NRG3: variants seen among roughly 807,000 people sequenced by gnomAD.
NRG3 encodes the protein pro-neuregulin-3, membrane-bound isoform.
Under a neutral mutation model 66.9 loss-of-function variants are expected in NRG3, and 31 were observed. That is an observed-to-expected ratio of 0.46 (90% confidence interval 0.35 to 0.63). The LOEUF (loss-of-function observed/expected upper bound fraction) is 0.63, where lower values mean the gene tolerates loss of function less well. Ranked by LOEUF, NRG3 falls within the 20% of genes least tolerant of loss-of-function variation. The pLI is 0.00. For synonymous variants in NRG3, 393 were observed against 359.4 expected (o/e 1.09, Z -1.06); for missense variants, 910 against 878.9 (o/e 1.04, Z -0.45).
At chr10:82,692,182 G>A (rs543366932) in intron 2 of NRG3, among the ~76,000 whole-genome samples, 1 of 151,324 alleles carries the variant, frequency 6.6e-6, no homozygotes, top group South Asian at 2.1e-4. Context: ...GAACCCAGGA[G>A]GCAGAGGTTG....
chr10:82,743,887 C>A (rs1034229490), intron 3 of NRG3, among the ~76,000 whole-genome samples: 2 of 152,188 alleles, frequency 1.3e-5, no homozygotes, highest in African/African-American at 4.8e-5. Context: ...TATATAGGAA[C>A]ATGTGTTCTG....
intron 3 of NRG3, among the ~76,000 whole-genome samples, chr10:82,775,581 T>C (rs1206080007): frequency 6.6e-6 from 1 of 152,148 alleles, no homozygotes; most frequent in Non-Finnish European, 1.5e-5. Context: ...TATATTCTGC[T>C]GTTGTTGTAT....
Position 82,746,403 on chromosome 10 carries a change from G to A in NRG3, c.1027+7753G>A, listed in dbSNP as rs1050630450. On this transcript the variant is annotated intron_variant, in intron 3 of 8. Transcript: ENST00000372141. ...TCTGTCCTCCCAGGGGGCCTGTTCAGCAGGTCTGAAGACAGTTCCCAACTG... is the reference window on the plus strand; with the variant it reads ...TCTGTCCTCCCAGGGGGCCTGTTCAACAGGTCTGAAGACAGTTCCCAACTG... 2.6e-5 allele frequency among the ~76,000 whole-genome samples: 4 copies of A among 152,276 alleles called. No individual in the cohort carries two copies. In the South Asian group the frequency reaches 8.3e-4, roughly 32 times the overall value.
intron 2 of NRG3, among the ~76,000 whole-genome samples, chr10:82,651,923 G>A (rs1012901028): frequency 2.0e-5 from 3 of 152,176 alleles, no homozygotes; most frequent in Non-Finnish European, 2.9e-5. Flanking sequence ...ACCTCTTCAC[G>A]GGACTCACAG....
intron 3 of NRG3, among the ~76,000 whole-genome samples, chr10:82,776,657 T>A (rs1202758340): frequency 1.3e-5 from 2 of 152,020 alleles, no homozygotes; most frequent in Non-Finnish European, 2.9e-5. Flanking sequence ...TTTTAAAAGA[T>A]CTGTTTTCAA....
At chr10:82,606,475 AATATGTATTCTG>A (rs1473528579) in intron 2 of NRG3, among the ~76,000 whole-genome samples, 3 of 152,286 alleles carry the variant, frequency 2.0e-5, no homozygotes, top group African/African-American at 7.2e-5. Flanking sequence ...CTGTCTTGAG[AATATGTATTCTG>A]ATGTGATTGA....
chr10:81,960,748 A>C (rs1020304550), intron 1 of NRG3, among the ~76,000 whole-genome samples: 2 of 151,750 alleles, frequency 1.3e-5, no homozygotes, highest in African/African-American at 4.8e-5. Flanking sequence ...CTGTTTGAAC[A>C]AAACAGGACA....
At chr10:82,860,783 T>C (rs1329528126) in intron 3 of NRG3, among the ~76,000 whole-genome samples, 2 of 152,224 alleles carry the variant, frequency 1.3e-5, no homozygotes, top group Non-Finnish European at 2.9e-5. Flanking sequence ...TGTTTTTGCT[T>C]AAACTATGTG....
intron 2 of NRG3, among the ~76,000 whole-genome samples, chr10:82,454,312 G>A (rs1453463758): frequency 6.6e-6 from 1 of 152,060 alleles, no homozygotes; most frequent in Non-Finnish European, 1.5e-5. Context: ...TTTGTAATGG[G>A]TTTGTTTTTC....
intron 1 of NRG3, among the ~76,000 whole-genome samples, chr10:82,096,727 C>T (rs2066368587): frequency 6.6e-6 from 1 of 152,092 alleles, no homozygotes. Flanking sequence ...TATATAACCA[C>T]AGCCAATGAA....
intron 2 of NRG3, among the ~76,000 whole-genome samples, chr10:82,627,607 A>C (rs1316605517): frequency 6.6e-6 from 1 of 152,146 alleles, no homozygotes; most frequent in African/African-American, 2.4e-5. Context: ...GACTCCTTTT[A>C]ATTATCTTTA....
chr10:82,359,155 T>G (rs180863565), intron 2 of NRG3, among the ~76,000 whole-genome samples: 53 of 152,316 alleles, frequency 3.5e-4, no homozygotes, highest in African/African-American at 1.2e-3. Flanking sequence ...TTTACACACT[T>G]TAGAAGCGTC....
chr10:82,196,678 A>G (rs965875069), intron 1 of NRG3, among the ~76,000 whole-genome samples: 3 of 152,230 alleles, frequency 2.0e-5, no homozygotes, highest in Admixed American at 2.0e-4. Context: ...TTCTTGGTCA[A>G]TAAAACAATA....
At chr10:82,977,598 CAAA>C (rs766341428) in intron 7 of NRG3, among the ~76,000 whole-genome samples, 5 of 55,428 alleles carry the variant, frequency 9.0e-5, no homozygotes, top group African/African-American at 1.3e-4. Flanking sequence ...GACTCTGTCT[CAAA>C]AAAAAAAAAA....
chr10:82,066,042 C>A (rs1256952086), intron 1 of NRG3, among the ~76,000 whole-genome samples: 1 of 152,032 alleles, frequency 6.6e-6, no homozygotes, highest in African/African-American at 2.4e-5. Context: ...ACATTATAAT[C>A]ATTAGAAGAA....
chr10:82,243,197 A>G (rs1206778969), intron 1 of NRG3, among the ~76,000 whole-genome samples: 1 of 152,238 alleles, frequency 6.6e-6, no homozygotes. Context: ...AAATCAAACC[A>G]GAAGTAAAAA....
chr10:82,649,345 A>G (rs2051222640), intron 2 of NRG3, among the ~76,000 whole-genome samples: 1 of 152,042 alleles, frequency 6.6e-6, no homozygotes, highest in Admixed American at 6.6e-5. Context: ...ATAATTGCAA[A>G]CTTTCTAAAG....
intron 1 of NRG3, among the ~76,000 whole-genome samples, chr10:82,164,643 G>A (rs2071893015): frequency 1.3e-5 from 2 of 152,118 alleles, no homozygotes; most frequent in Non-Finnish European, 2.9e-5. Flanking sequence ...AGTAGCAGGG[G>A]GGAGATTTGG....
intron 2 of NRG3, among the ~76,000 whole-genome samples, chr10:82,446,962 G>A (rs1283182110): frequency 6.6e-6 from 1 of 152,124 alleles, no homozygotes; most frequent in Non-Finnish European, 1.5e-5. Flanking sequence ...TAGATGGTAT[G>A]TCATTAGACA....
Sources: allele counts gnomAD v4.1 joint callset (sites outside exome capture counted in the v4.1 genomes callset), GRCh38; gene constraint gnomAD v4.1.1; transcripts MANE v1.5; gene names NCBI Gene and HGNC (gene_info 2026-07-23, HGNC 2026-07-21).